Variants in BLTP1 observed in about 807,000 individuals in gnomAD.
BLTP1 encodes bridge-like lipid transfer protein family member 1.
At chr4:122,315,197 T>G in the BLTP1 span, among the ~76,000 whole-genome samples, 1 of 152,128 alleles carries the variant, frequency 6.6e-6, no homozygotes, top group Non-Finnish European at 1.5e-5. Context: ...TCATGGCAAT[T>G]CCTACTGTAG....
chr4:122,205,571 CCTCT>C, the BLTP1 span, among the ~76,000 whole-genome samples: 15 of 98,396 alleles, frequency 1.5e-4, no homozygotes, highest in South Asian at 3.3e-4. Context: ...CAATTGTTTC[CCTCT>C]CTCTCTCTCT....
the BLTP1 span, chr4:122,343,979 T>C: frequency 3.2e-6 from 3 of 942,834 alleles, no homozygotes; most frequent in Non-Finnish European, 3.8e-6. Flanking sequence ...AATTGTTAAT[T>C]TAAAAAGAGA....
At chr4:122,188,200 A>G in the BLTP1 span, 9,662 of 1,190,062 alleles carry the variant, frequency 8.1e-3, 49 homozygotes, top group Non-Finnish European at 9.4e-3. Context: ...AAAATTAGGT[A>G]TATTTCTCTA....
the BLTP1 span, chr4:122,341,657 AATG>A: frequency 3.0e-5 from 29 of 973,124 alleles, no homozygotes; most frequent in Non-Finnish European, 3.5e-5. Context: ...TTATTCAAGG[AATG>A]ATGATAAGAA....
At chr4:122,322,200 G>A in the BLTP1 span, among the ~76,000 whole-genome samples, 2 of 150,962 alleles carry the variant, frequency 1.3e-5, no homozygotes, top group African/African-American at 4.9e-5. Context: ...ACAGTCCTTA[G>A]ATATACTGTT....
At chr4:122,229,889 C>G in the BLTP1 span, 2 of 1,560,066 alleles carry the variant, frequency 1.3e-6, no homozygotes, top group Non-Finnish European at 1.7e-6. Flanking sequence ...CTTAAAAATA[C>G]AGAAATTACA....
chr4:122,175,698 A>G, the BLTP1 span: 4 of 553,564 alleles, frequency 7.2e-6, no homozygotes, highest in East Asian at 9.1e-5. Flanking sequence ...GTCTTTGTTC[A>G]CGAAAAGATG....
At chr4:122,353,743 G>T in the BLTP1 span, 1 of 1,506,840 alleles carries the variant, frequency 6.6e-7, no homozygotes, top group South Asian at 1.3e-5. The surrounding 1 kb of genome is among the most constrained non-coding windows in gnomAD (Gnocchi z 4.3). Context: ...TTATAGCTCT[G>T]AGGCCACAAT....
the BLTP1 span, among the ~76,000 whole-genome samples, chr4:122,359,008 C>T: frequency 2.0e-5 from 3 of 150,810 alleles, no homozygotes; most frequent in African/African-American, 7.3e-5. Context: ...CATTAGCATA[C>T]AAAAACCATT....
At chr4:122,298,506 G>A in the BLTP1 span, 6 of 232,928 alleles carry the variant, frequency 2.6e-5, no homozygotes, top group Non-Finnish European at 4.2e-5. Flanking sequence ...AGTAGAAATT[G>A]CAACCGTATC....
At chr4:122,247,559 G>T in the BLTP1 span, 2 of 1,068,562 alleles carry the variant, frequency 1.9e-6, no homozygotes, top group South Asian at 2.0e-5. Context: ...AATAAACTTT[G>T]GTAAGAAAAT....
At chr4:122,227,374 C>CTA in the BLTP1 span, 3 of 985,136 alleles carry the variant, frequency 3.0e-6, no homozygotes, top group African/African-American at 3.5e-5. Context: ...ATCCCTAAAA[C>CTA]CATGTGCAGT....
the BLTP1 span, among the ~76,000 whole-genome samples, chr4:122,211,577 G>C: frequency 0.064 from 9,773 of 152,092 alleles, 883 homozygotes; most frequent in African/African-American, 0.2. Flanking sequence ...AAAACTGAAG[G>C]AAATATATGA....
the BLTP1 span, chr4:122,298,509 A>G: frequency 8.0e-6 from 2 of 249,562 alleles, no homozygotes; most frequent in African/African-American, 2.3e-5. Context: ...AGAAATTGCA[A>G]CCGTATCTTA....
the BLTP1 span, among the ~76,000 whole-genome samples, chr4:122,253,352 C>T: frequency 2.0e-5 from 3 of 152,048 alleles, no homozygotes; most frequent in East Asian, 5.8e-4. Context: ...GATGTGTGAC[C>T]TTTCAGACAA....
At chr4:122,155,277 G>A in the BLTP1 span, among the ~76,000 whole-genome samples, 35 of 151,844 alleles carry the variant, frequency 2.3e-4, no homozygotes, top group Non-Finnish European at 5.0e-4. Flanking sequence ...AGTTGGTAAA[G>A]CAGGATTCTC....
chr4:122,316,920 G>T, the BLTP1 span: 1 of 1,202,646 alleles, frequency 8.3e-7, no homozygotes, highest in Non-Finnish European at 1.2e-6. Context: ...ATCATAAGAT[G>T]TTAAAAGTGG....
chr4:122,271,665 C>T, the BLTP1 span: 1 of 1,603,330 alleles, frequency 6.2e-7, no homozygotes, highest in Non-Finnish European at 8.5e-7. Flanking sequence ...AACTTCTATT[C>T]ACTTATCTCC....
At chr4:122,169,929 T>C in the BLTP1 span, 1 of 985,092 alleles carries the variant, frequency 1.0e-6, no homozygotes, top group Non-Finnish European at 1.2e-6. Context: ...TATGATAATA[T>C]TAAGTGGTGG....
Sources: gnomAD v4.1 joint callset for allele counts (sites outside exome capture counted in the v4.1 genomes callset) on GRCh38, gnomAD v4.1.1 for gene constraint, Gnocchi (gnomAD v3.1) non-coding constraint, MANE v1.5 for transcripts, NCBI Gene and HGNC (gene_info 2026-07-23, HGNC 2026-07-21) for gene names.